SORBS2: variants seen among roughly 807,000 people sequenced by gnomAD.
SORBS2 encodes the protein sorbin and SH3 domain-containing protein 2.
Under a neutral mutation model 97.7 loss-of-function variants are expected in SORBS2, and 46 were observed. The ratio of observed to expected loss-of-function variants is 0.47; its 90% CI spans 0.37 to 0.60. The LOEUF (loss-of-function observed/expected upper bound fraction) is 0.60. Among genes scored for constraint, SORBS2 ranks in the 20% least tolerant of loss-of-function variants. SORBS2 has a pLI of 0.00. For missense variants in SORBS2, 1,316 were observed against 1,282.3 expected (o/e 1.03, Z -0.40); for synonymous variants, 476 against 473.4 (o/e 1.01, Z -0.07).
intron 1 of SORBS2, among the ~76,000 whole-genome samples, chr4:185,906,718 G>A (rs1414331836): frequency 6.6e-6 from 1 of 152,170 alleles, no homozygotes; most frequent in Non-Finnish European, 1.5e-5. Context: ...TCTAATACAT[G>A]TGAATATGGT....
At chr4:185,745,700 T>G (rs1340696037) in intron 2 of SORBS2, among the ~76,000 whole-genome samples, 1 of 152,204 alleles carries the variant, frequency 6.6e-6, no homozygotes, top group East Asian at 1.9e-4. Context: ...AAAACAGCAA[T>G]AGACAAATGC....
intron 1 of SORBS2, among the ~76,000 whole-genome samples, chr4:185,864,060 C>A (rs1561246476): frequency 1.3e-5 from 2 of 152,188 alleles, no homozygotes; most frequent in African/African-American, 4.8e-5. Context: ...CAATGGCTAA[C>A]TCTTGTGTTA....
chr4:185,666,279 G>A, intron 4 of SORBS2: 1 of 778,262 alleles, frequency 1.3e-6, no homozygotes, highest in Non-Finnish European at 1.9e-6. Context: ...CGATGTGGCA[G>A]AGAAGGCAAA....
intron 1 of SORBS2, among the ~76,000 whole-genome samples, chr4:185,838,487 C>T (rs2099209539): frequency 6.6e-6 from 1 of 152,190 alleles, no homozygotes; most frequent in Non-Finnish European, 1.5e-5. Flanking sequence ...GGGGAATTGA[C>T]ACTGGCCCTC....
intron 2 of SORBS2, chr4:185,757,023 G>T (rs10025470): frequency 0.28 from 263,203 of 929,870 alleles, 38,548 homozygotes; most frequent in African/African-American, 0.4. Flanking sequence ...GACGTGAGTG[G>T]CATCAATGTC....
chr4:185,934,857 T>A (rs1372523298), intron 1 of SORBS2, among the ~76,000 whole-genome samples: 3 of 150,976 alleles, frequency 2.0e-5, no homozygotes, highest in Non-Finnish European at 4.4e-5. Flanking sequence ...CAAGACGGGG[T>A]CTGTCTTTCT....
intron 1 of SORBS2, among the ~76,000 whole-genome samples, chr4:185,785,661 C>A (rs1369802718): frequency 6.6e-6 from 1 of 152,184 alleles, no homozygotes; most frequent in South Asian, 2.1e-4. Context: ...GCCCTTGACT[C>A]ATAATTGTTG....
Position 185,746,454 on chromosome 4 carries a change from C to T in SORBS2, c.-198+28773G>A, listed in dbSNP as rs931201164. ...GCCTCAGCCTCCCGAGTAGCTGGGA[C>T]TAGAGGTGTGCACCACCATGCCTGG... On this transcript the variant is annotated intron_variant, in intron 2 of 20. Coordinates refer to the SORBS2 transcript ENST00000284776. Among the ~76,000 whole-genome samples the T allele has an allele frequency of 2.0e-5, 3 of 152,086 alleles. No homozygotes were observed. The South Asian group carries it at 6.2e-4, about 32-fold the overall frequency.
At chr4:185,686,824 G>A (rs1338886368) in intron 2 of SORBS2, among the ~76,000 whole-genome samples, 2 of 152,190 alleles carry the variant, frequency 1.3e-5, no homozygotes, top group Admixed American at 6.5e-5. Flanking sequence ...GCGATGCCCT[G>A]GGCTGCACTG....
rs2153441388 is a variant in SORBS2, at chr4:185,636,854, G to A, written c.397-6256C>T. 1.3e-5 allele frequency among the ~76,000 whole-genome samples: 2 copies of A among 152,196 alleles called. 1 individual carries two copies. Among genetic ancestry groups the A allele is most frequent in the Middle Eastern group, 6.8e-3 (2 of 292 alleles). Reference sequence around the variant, plus strand: ...AGCAGAGACGGGGTTTCACCATGTTGGCCAGAATGGTCTCAATCTGTTGAT... The same window carrying A: ...AGCAGAGACGGGGTTTCACCATGTTAGCCAGAATGGTCTCAATCTGTTGAT... On this transcript the variant is annotated intron_variant, in intron 4 of 14. Transcript: ENST00000418609.
intron 1 of SORBS2, among the ~76,000 whole-genome samples, chr4:185,849,448 C>T (rs1417008621): frequency 2.0e-5 from 3 of 149,996 alleles, no homozygotes; most frequent in African/African-American, 7.3e-5. Flanking sequence ...GTTAGATTGT[C>T]GCCTGCCACT....
At chr4:185,693,650 A>G (rs182004771) in intron 2 of SORBS2, among the ~76,000 whole-genome samples, 1 of 152,334 alleles carries the variant, frequency 6.6e-6, no homozygotes, top group Admixed American at 6.5e-5. Context: ...TAAGGTTTTA[A>G]AACGGAATGA....
At chr4:185,658,453 A>G (rs1043964347), upstream of SORBS2, among the ~76,000 whole-genome samples, 4 of 152,140 alleles carry the variant, frequency 2.6e-5, no homozygotes, top group African/African-American at 7.2e-5. Context: ...TGGTATGATT[A>G]ATAATATGCC....
chr4:185,637,441 C>T (rs1045257386), intron 4 of SORBS2, among the ~76,000 whole-genome samples: 1 of 152,196 alleles, frequency 6.6e-6, no homozygotes, highest in Non-Finnish European at 1.5e-5. Flanking sequence ...TTCTCAGAAC[C>T]CGTCCACATC....
intron 13 of SORBS2, chr4:185,592,034 A>T (rs2153359844): frequency 6.6e-6 from 1 of 152,380 alleles, no homozygotes; most frequent in African/African-American, 2.4e-5. Flanking sequence ...ATGAAGACAA[A>T]TCCAATGTTA....
Position 185,684,160 on chromosome 4 carries a change from A to C in SORBS2, c.-197-5338T>G, listed in dbSNP as rs1379708612. ...AGACTGTGCCTTAGGTACTGTGCCT[A>C]ACTTCGGTACTGTGGCTTAGGTAGT... On this transcript the variant is annotated intron_variant, in intron 2 of 20. Coordinates refer to the SORBS2 transcript ENST00000284776. This position sits in a 1 kb window ranked among gnomAD's most constrained non-coding sequence, Gnocchi z 4.2. Among the ~76,000 whole-genome samples, 1 of 152,166 alleles carries C rather than the reference A, an allele frequency of 6.6e-6. No individual in the cohort carries two copies.
At chr4:185,759,435 G>A (rs531463935) in intron 2 of SORBS2, among the ~76,000 whole-genome samples, 1 of 152,312 alleles carries the variant, frequency 6.6e-6, no homozygotes, top group South Asian at 2.1e-4. Flanking sequence ...GTGTATGTGA[G>A]GGGGGTGTGT....
intron 1 of SORBS2, among the ~76,000 whole-genome samples, chr4:185,862,181 T>G (rs1434090943): frequency 6.6e-6 from 1 of 152,070 alleles, no homozygotes; most frequent in Non-Finnish European, 1.5e-5. Context: ...GAGAGAAGCA[T>G]TACTAAGAGC....
intron 1 of SORBS2, among the ~76,000 whole-genome samples, chr4:185,819,390 G>T (rs771916324): frequency 6.6e-6 from 1 of 152,182 alleles, no homozygotes; most frequent in Non-Finnish European, 1.5e-5. Flanking sequence ...CACATTTTCC[G>T]CTTGAGTTGG....
Sources: allele counts gnomAD v4.1 joint callset (sites outside exome capture counted in the v4.1 genomes callset), GRCh38; gene constraint gnomAD v4.1.1; non-coding constraint Gnocchi (gnomAD v3.1); transcripts MANE v1.5; gene names NCBI Gene and HGNC (gene_info 2026-07-23, HGNC 2026-07-21).